The following EYA2 variants were observed in gnomAD, a reference collection of about 807,000 sequenced individuals.
EYA2 encodes protein phosphatase EYA2.
In EYA2, 31 loss-of-function variants were observed where a neutral mutation model predicts 69.2. The observed-to-expected ratio is 0.45, with a 90% CI of 0.34 to 0.60. EYA2 has a LOEUF of 0.60. EYA2 is among the 20% of genes least tolerant of loss of function. The pLI is 0.02. For missense variants in EYA2, 622 were observed against 701.2 expected (o/e 0.89, Z 1.28); for synonymous variants, 257 against 279.4 (o/e 0.92, Z 0.80).
chr20:47,066,331 C>T (rs1236210174), intron 5 of EYA2, among the ~76,000 whole-genome samples: 1 of 141,436 alleles, frequency 7.1e-6, no homozygotes, highest in African/African-American at 2.6e-5. Context: ...GACCTTGTCT[C>T]AAAAAAAAAA....
At chr20:47,134,058 A>G (rs1490125830) in intron 9 of EYA2, among the ~76,000 whole-genome samples, 5 of 152,248 alleles carry the variant, frequency 3.3e-5, no homozygotes, top group African/African-American at 1.2e-4. Flanking sequence ...GCAGGGTTTG[A>G]GCAACCCAGG....
intron 1 of EYA2, among the ~76,000 whole-genome samples, chr20:46,916,104 G>T (rs1381273060): frequency 6.6e-6 from 1 of 152,050 alleles, no homozygotes. Context: ...GTTGAAAATC[G>T]CTGGCCCCTT....
intron 2 of EYA2, among the ~76,000 whole-genome samples, chr20:46,990,617 T>C (rs1415881745): frequency 1.3e-5 from 2 of 152,236 alleles, no homozygotes; most frequent in South Asian, 2.1e-4. Context: ...TAAAAAACTA[T>C]TGGCAAATGA....
intron 11 of EYA2, among the ~76,000 whole-genome samples, chr20:47,171,887 T>C (rs139076683): frequency 0.018 from 2,713 of 151,732 alleles, 115 homozygotes; most frequent in East Asian, 0.17. Context: ...AGGTCCGGAG[T>C]GCAAGACCAG....
At chr20:47,112,657 G>A (rs937374519) in intron 9 of EYA2, among the ~76,000 whole-genome samples, 14 of 151,844 alleles carry the variant, frequency 9.2e-5, no homozygotes, top group Non-Finnish European at 1.9e-4. Context: ...CAAAAAAAAA[G>A]CACTTAGGCA....
In EYA2 at chr20:47,054,732, TG is replaced by T. The variant is rs1005176681; in HGVS notation, c.416-17448del. 6.6e-5 allele frequency among the ~76,000 whole-genome samples: 10 copies of T among 152,230 alleles called. No individual in the cohort carries two copies. The East Asian group carries it at 1.5e-3, about 24-fold the overall frequency. On this transcript the variant is annotated intron_variant, in intron 5 of 15. Transcript: ENST00000327619. ...CAGATGTGTGACTCCGGGACTCACT[TG>T]GGGGACATGCAGCCAGTCTCCTAGC...
intron 1 of EYA2, among the ~76,000 whole-genome samples, chr20:46,927,576 C>G (rs1985470522): frequency 6.6e-6 from 1 of 152,044 alleles, no homozygotes. Context: ...AGAATGAGAG[C>G]CAATCAAAAG....
At chr20:47,027,581 A>G (rs1324546147) in intron 5 of EYA2, among the ~76,000 whole-genome samples, 3 of 152,200 alleles carry the variant, frequency 2.0e-5, no homozygotes, top group African/African-American at 7.2e-5. Flanking sequence ...CTCTAGTTAC[A>G]TAACAAGTTA....
intron 1 of EYA2, among the ~76,000 whole-genome samples, chr20:46,908,405 T>A (rs1335417439): frequency 6.6e-6 from 1 of 152,156 alleles, no homozygotes; most frequent in Non-Finnish European, 1.5e-5. Context: ...AGGACAAAAG[T>A]CCTGAATTGG....
chr20:47,165,250 T>C (rs1465852690), intron 10 of EYA2, among the ~76,000 whole-genome samples: 1 of 152,140 alleles, frequency 6.6e-6, no homozygotes, highest in African/African-American at 2.4e-5. Flanking sequence ...TCACTCCTTC[T>C]TGGGGAGAGG....
intron 9 of EYA2, among the ~76,000 whole-genome samples, chr20:47,117,924 C>G (rs911339611): frequency 6.6e-5 from 10 of 152,292 alleles, no homozygotes; most frequent in East Asian, 1.9e-4. Flanking sequence ...AACGAGAAAA[C>G]CTTCCAATTT....
chr20:47,080,210 C>T (rs1221824318), intron 7 of EYA2, among the ~76,000 whole-genome samples: 1 of 151,880 alleles, frequency 6.6e-6, no homozygotes, highest in Non-Finnish European at 1.5e-5. Context: ...CCCAAATCTT[C>T]AGAATCTCAA....
At chr20:47,076,474 ATATGCTTGTTGGCTGCATG>A (rs1351081028) in intron 7 of EYA2, among the ~76,000 whole-genome samples, 1 of 152,024 alleles carries the variant, frequency 6.6e-6, no homozygotes, top group Non-Finnish European at 1.5e-5. Flanking sequence ...TTATTTTTTC[ATATGCTTGTTGGCTGCATG>A]TATGTCTTCT....
chr20:47,165,521 T>A (rs3091506), intron 10 of EYA2, among the ~76,000 whole-genome samples: 31,735 of 151,876 alleles, frequency 0.21, 3,823 homozygotes, highest in African/African-American at 0.34. Flanking sequence ...CACCTGGGGG[T>A]ACTTCCCTGC....
chr20:47,154,399 G>A (rs2033880562), intron 10 of EYA2, among the ~76,000 whole-genome samples: 1 of 152,028 alleles, frequency 6.6e-6, no homozygotes, highest in Non-Finnish European at 1.5e-5. Context: ...AATTTTGGGA[G>A]GAGACACAAA....
At chr20:47,032,989 C>T (rs1320872897) in intron 5 of EYA2, among the ~76,000 whole-genome samples, 2 of 152,186 alleles carry the variant, frequency 1.3e-5, no homozygotes, top group Admixed American at 6.5e-5. Flanking sequence ...TTCCAATTCC[C>T]GCAGCAGGCC....
intron 1 of EYA2, among the ~76,000 whole-genome samples, chr20:46,976,487 G>A (rs928542570): frequency 1.4e-4 from 21 of 152,130 alleles, no homozygotes; most frequent in Non-Finnish European, 2.9e-4. Context: ...CCGGGTTCAC[G>A]CCATTCTCCT....
intron 6 of EYA2, among the ~76,000 whole-genome samples, chr20:47,073,690 C>T (rs1440820275): frequency 1.3e-5 from 2 of 152,032 alleles, no homozygotes; most frequent in Admixed American, 6.6e-5. Context: ...CATCTGCATG[C>T]CTGGGCCCAA....
At chr20:46,934,732 G>A (rs560143058) in intron 1 of EYA2, among the ~76,000 whole-genome samples, 2 of 152,240 alleles carry the variant, frequency 1.3e-5, no homozygotes, top group South Asian at 4.2e-4. Flanking sequence ...TGGGACAGGG[G>A]AAATAGAATG....
Sources: gnomAD v4.1 joint callset for allele counts (sites outside exome capture counted in the v4.1 genomes callset) on GRCh38, gnomAD v4.1.1 for gene constraint, MANE v1.5 for transcripts, NCBI Gene and HGNC (gene_info 2026-07-23, HGNC 2026-07-21) for gene names.